Variants in GLO1 observed in about 807,000 individuals in gnomAD.
GLO1 encodes glyoxalase I, also known as lactoylglutathione lyase.
In GLO1, 28 loss-of-function variants were observed where a neutral mutation model predicts 26.0. The observed-to-expected ratio is 1.08, with a 90% CI of 0.80 to 1.48. The LOEUF is 1.48. Among genes scored for constraint, GLO1 ranks in the 40% most tolerant of loss-of-function variants. The pLI, the probability that GLO1 is intolerant of heterozygous loss-of-function variation, is 0.00. For synonymous variants in GLO1, 78 were observed against 77.6 expected (o/e 1.00, Z -0.03); for missense variants, 225 against 224.8 (o/e 1.00, Z -0.01).
At chr6:38,682,982 T>C (rs1761404906) in intron 3 of GLO1, 107 bp from the exon 4 acceptor site, 2 of 726,758 alleles carry the variant, frequency 2.8e-6, no homozygotes, top group Admixed American at 2.1e-5. Context: ...CTTTACATAA[T>C]TGGCCTAACC....
intron 1 of GLO1, among the ~76,000 whole-genome samples, chr6:38,697,853 G>A (rs1307216782): frequency 2.0e-5 from 3 of 152,168 alleles, no homozygotes; most frequent in Admixed American, 1.3e-4. Context: ...ACTACTTCCT[G>A]CCTAGACAAT....
chr6:38,684,850 G>T (rs942804044), intron 2 of GLO1, among the ~76,000 whole-genome samples: 1 of 152,094 alleles, frequency 6.6e-6, no homozygotes, highest in Non-Finnish European at 1.5e-5. Context: ...AAAGAACCTT[G>T]TTGCTATTTC....
chr6:38,682,181 C>G, intron 4 of GLO1, 80 bp from the exon 5 acceptor site: 1 of 815,938 alleles, frequency 1.2e-6, no homozygotes, highest in East Asian at 2.4e-5. Flanking sequence ...CAAGTAGATT[C>G]CAAAACTTGT....
At chr6:38,697,193 G>A (rs1761624025) in intron 1 of GLO1, among the ~76,000 whole-genome samples, 2 of 152,194 alleles carry the variant, frequency 1.3e-5, no homozygotes, top group African/African-American at 4.8e-5. Flanking sequence ...GATTACAGAC[G>A]TGAGCCACCG....
At chr6:38,702,332 A>G (rs952831384) in intron 1 of GLO1, among the ~76,000 whole-genome samples, 1 of 152,226 alleles carries the variant, frequency 6.6e-6, no homozygotes, top group Non-Finnish European at 1.5e-5. Context: ...TTTGTATGCA[A>G]CAGGTCATTT....
intron 1 of GLO1, among the ~76,000 whole-genome samples, chr6:38,699,032 T>A (rs1761653563): frequency 6.6e-6 from 1 of 152,182 alleles, no homozygotes; most frequent in Non-Finnish European, 1.5e-5. Context: ...CTCCACAATC[T>A]GGCCCCAACC....
intron 1 of GLO1, among the ~76,000 whole-genome samples, chr6:38,689,267 T>C (rs1761499922): frequency 6.6e-6 from 1 of 152,252 alleles, no homozygotes; most frequent in African/African-American, 2.4e-5. Flanking sequence ...ACCTCTAGCC[T>C]ATGGAATTAT....
Position 38,686,930 on chromosome 6 carries a change from C to T in GLO1, c.129G>A (p.Lys43=). 1 of 1,606,804 alleles carries T rather than the reference C, an allele frequency of 6.2e-7. No individual in the cohort carries two copies. The highest frequency in any genetic ancestry group is 1.1e-5 in the South Asian group (1 of 90,860). ...CTCTAGTATAAAAATCCAGTGACTT[C>T]TTAGGATCCTTCACTCGTAGCATGG... The part of the protein sequence containing the change: ...QQTMLRVKDP[K]KSLDFYTRVL... The change falls in exon 2 of 6, where the codon AAG becomes AAA. Residue 43 remains lysine, a synonymous_variant. Transcript: ENST00000373365.
chr6:38,678,633 G>C (rs13212218), intron 5 of GLO1, among the ~76,000 whole-genome samples: 1 of 152,086 alleles, frequency 6.6e-6, no homozygotes, highest in Non-Finnish European at 1.5e-5. Context: ...CTGCCCTCTC[G>C]CTTGTTCAGA....
chr6:38,698,249 C>T (rs61287418), intron 1 of GLO1, among the ~76,000 whole-genome samples: 2,363 of 151,958 alleles, frequency 0.016, 61 homozygotes, highest in African/African-American at 0.053. Context: ...CCCGTAGGTC[C>T]CTGCCTCAGT....
rs1761470910 is a variant in GLO1 at position 38,687,093 on chromosome 6, G to A, written c.85-119C>T. The A allele has an allele frequency of 2.7e-6, 4 of 1,465,612 alleles. No homozygotes were observed. In the Admixed American group the frequency reaches 7.6e-5, roughly 28 times the overall value. 90.8% of individuals were successfully genotyped at this position (1,465,612 alleles called of 1,614,324 possible). The stretch of plus-strand genomic sequence containing the variant: ...TTAACCTACCACCTACAACTTGCAA[G>A]GGCTCTCTGCTCAGTGGTATCTTCT... On this transcript the variant is annotated intron_variant, in intron 1 of 5. Transcript: ENST00000373365.
At position 38,686,798 on chromosome 6, in the gene GLO1, T is replaced by C; in HGVS notation, c.167+94A>G. The C allele has an allele frequency of 4.2e-6, 3 of 716,388 alleles. No homozygotes were observed. The South Asian group carries it at 5.7e-5, about 14-fold the overall frequency. The allele number at this position is 716,388 out of a possible 1,614,324, so 44.4% of individuals were successfully genotyped here. ...CCTGGCCAAAAGAACTTCTGTTACT[T>C]CTGAAACAAACTTTAAGATGGGTCT... On this transcript the variant is annotated intron_variant, in intron 2 of 5. Coordinates refer to ENST00000373365, the MANE Select transcript of GLO1 (RefSeq NM_006708.3).
At chr6:38,694,769 T>A (rs1240431879) in intron 1 of GLO1, among the ~76,000 whole-genome samples, 1 of 152,214 alleles carries the variant, frequency 6.6e-6, no homozygotes. Context: ...GCTTCATGTG[T>A]TCCCTAGCTC....
At chr6:38,684,550 A>G (rs762865044) in intron 2 of GLO1, 36 bp from the exon 3 acceptor site, 1 of 1,378,416 alleles carries the variant, frequency 7.3e-7, no homozygotes, top group Non-Finnish European at 9.5e-7. Context: ...AATCATTAAC[A>G]ACAGGAAAGG....
At chr6:38,694,524 G>A (rs1212072773) in intron 1 of GLO1, among the ~76,000 whole-genome samples, 2 of 152,018 alleles carry the variant, frequency 1.3e-5, no homozygotes, top group African/African-American at 4.8e-5. Context: ...ACAAAAAATA[G>A]AAAAATTAGC....
At chr6:38,681,784 T>C (rs1761384431) in intron 5 of GLO1, among the ~76,000 whole-genome samples, 1 of 152,200 alleles carries the variant, frequency 6.6e-6, no homozygotes, top group Non-Finnish European at 1.5e-5. Context: ...TTTTGATGGC[T>C]GTCCAGGTCC....
intron 1 of GLO1, among the ~76,000 whole-genome samples, chr6:38,697,447 C>T (rs1761629198): frequency 6.6e-6 from 1 of 152,150 alleles, no homozygotes; most frequent in Non-Finnish European, 1.5e-5. Context: ...GGGCAGAAGG[C>T]CCCATGTACC....
intron 3 of GLO1, among the ~76,000 whole-genome samples, chr6:38,683,520 T>C (rs1170298863): frequency 2.6e-5 from 4 of 152,238 alleles, no homozygotes; most frequent in Non-Finnish European, 4.4e-5. Context: ...AGACTAATTA[T>C]AGTACCTAAA....
intron 2 of GLO1, among the ~76,000 whole-genome samples, chr6:38,685,505 G>T (rs546942648): frequency 4.1e-4 from 62 of 152,164 alleles, no homozygotes; most frequent in Admixed American, 9.2e-4. Context: ...GCAAATGGCT[G>T]TTATTGCCAT....
Sources: allele counts gnomAD v4.1 joint callset (sites outside exome capture counted in the v4.1 genomes callset), GRCh38; gene constraint gnomAD v4.1.1; transcripts MANE v1.5; gene names NCBI Gene and HGNC (gene_info 2026-07-23, HGNC 2026-07-21).